CTC1: variants seen among roughly 807,000 people sequenced by gnomAD.
CTC1 encodes CST complex subunit CTC1.
In CTC1, 91 loss-of-function variants were observed where a neutral mutation model predicts 136.3. The ratio of observed to expected loss-of-function variants is 0.67; its 90% CI spans 0.56 to 0.79. The LOEUF (loss-of-function observed/expected upper bound fraction) is 0.79. CTC1 is among the 30% of genes least tolerant of loss of function. CTC1 has a pLI of 0.00. For missense variants in CTC1, 1,432 were observed against 1,498.1 expected (o/e 0.96, Z 0.73); for synonymous variants, 606 against 613.8 (o/e 0.99, Z 0.19).
intron 18 of CTC1, 114 bp from the exon 19 acceptor site, chr17:8,229,560 G>T: frequency 1.2e-6 from 1 of 866,708 alleles, no homozygotes; most frequent in Non-Finnish European, 1.8e-6. Context: ...GGGGACAGCA[G>T]TGGGTTCCAT....
In CTC1 at chr17:8,234,890, C is replaced by G. The variant is rs1339819653; in HGVS notation, c.1476G>C (p.Leu492=). The change falls in exon 9 of 23, where the codon CTG becomes CTC. Residue 492 remains leucine, a synonymous_variant. Transcript: ENST00000651323. ...CPHVLRHHQF[L]QHSSPGSPSL... ...TGGGGCTCCCAGGAGAGGAATGTTGCAGGAACTGGTGGTGTCTCAGCACAT... is the reference window on the plus strand; with the variant it reads ...TGGGGCTCCCAGGAGAGGAATGTTGGAGGAACTGGTGGTGTCTCAGCACAT... The G allele has an allele frequency of 6.2e-7, 1 of 1,609,320 alleles. No homozygotes were observed. The highest frequency in any genetic ancestry group is 8.5e-7 in the Non-Finnish European group (1 of 1,177,720).
Position 8,228,135 on chromosome 17 carries a change from A to G in CTC1, c.*45T>C. 6.3e-7 allele frequency: 1 copy of G among 1,594,526 alleles called. No individual in the cohort carries two copies. The highest frequency in any genetic ancestry group is 8.6e-7 in the Non-Finnish European group (1 of 1,163,524). On this transcript the variant is annotated 3_prime_UTR_variant, in exon 23 of 23. Coordinates refer to ENST00000651323, the MANE Select transcript of CTC1 (RefSeq NM_025099.6). ...GAGAGGAGCCAGGACCTAGGCCTTCAGGTTTTCAGCAAGGAAGGACTCTCA... is the reference window on the plus strand; with the variant it reads ...GAGAGGAGCCAGGACCTAGGCCTTCGGGTTTTCAGCAAGGAAGGACTCTCA...
At position 8,227,114 on chromosome 17, in the gene CTC1, T is replaced by C. The variant is rs946558350; in HGVS notation, c.*1066A>G. The C allele has an allele frequency of 2.7e-5, 4 of 150,540 alleles. No homozygotes were observed. Among genetic ancestry groups the C allele is most frequent in the Non-Finnish European group, 4.4e-5 (3 of 68,044 alleles). 9.3% of individuals were successfully genotyped at this position (150,540 alleles called of 1,614,324 possible). ...ATCTTAATATAGGGTATTGCTACCA[T>C]AAAAGCAGCATAAATCCCAACATAT... On this transcript the variant is annotated 3_prime_UTR_variant, in exon 23 of 23. Transcript: ENST00000651323.
At chr17:8,245,818 G>A (rs1988634080) in intron 1 of CTC1, among the ~76,000 whole-genome samples, 1 of 152,168 alleles carries the variant, frequency 6.6e-6, no homozygotes, top group African/African-American at 2.4e-5. Context: ...TGTAGTCCCA[G>A]CTACTCGGGA....
At chr17:8,230,711 G>C in intron 15 of CTC1, 60 bp from the exon 16 acceptor site, 1 of 1,443,144 alleles carries the variant, frequency 6.9e-7, no homozygotes, top group Non-Finnish European at 9.7e-7. Context: ...AGTGGAGACA[G>C]TCAGATTCAA....
intron 3 of CTC1, 34 bp from the exon 4 acceptor site, chr17:8,238,276 C>T (rs762349373): frequency 6.4e-7 from 1 of 1,573,500 alleles, no homozygotes; most frequent in Non-Finnish European, 8.7e-7. Context: ...TTAATCAGAA[C>T]CTTAGCATCC....
At chr17:8,230,215 A>C (rs1567600425) in intron 17 of CTC1, 79 bp downstream of exon 17, 2 of 1,426,318 alleles carry the variant, frequency 1.4e-6, no homozygotes, top group Non-Finnish European at 1.9e-6. Context: ...GGGTCGCTGC[A>C]GCAAAGTTAA....
chr17:8,231,862 G>A (rs761372425), intron 13 of CTC1, 41 bp downstream of exon 13: 1 of 1,613,552 alleles, frequency 6.2e-7, no homozygotes, highest in Non-Finnish European at 8.5e-7. Flanking sequence ...CAGAGGCTCA[G>A]GGCGCAGGTC....
intron 22 of CTC1, 60 bp from the exon 23 acceptor site, chr17:8,228,379 A>C: frequency 6.2e-7 from 1 of 1,608,312 alleles, no homozygotes; most frequent in Non-Finnish European, 8.5e-7. Flanking sequence ...GTTCCCACCC[A>C]CCATTCTCCT....
At position 8,236,359 on chromosome 17, in the gene CTC1, C is replaced by G; in HGVS notation, c.793-17G>C. Reference sequence around the variant, plus strand: ...GGCAGGGACCTGGCTTGTGCAGAGACAGGCAATGTGACACAAGAGACCCCA... The same window carrying G: ...GGCAGGGACCTGGCTTGTGCAGAGAGAGGCAATGTGACACAAGAGACCCCA... On this transcript the variant is annotated splice_polypyrimidine_tract_variant and intron_variant, in intron 5 of 22. Transcript: ENST00000651323. 6.3e-7 allele frequency: 1 copy of G among 1,595,580 alleles called. No homozygotes were observed. The highest frequency in any genetic ancestry group is 8.5e-7 in the Non-Finnish European group (1 of 1,174,908).
In CTC1 at chr17:8,243,187, C is replaced by T. The variant is rs749789620; in HGVS notation, c.34-39G>A. On this transcript the variant is annotated intron_variant, in intron 1 of 22. Transcript: ENST00000651323. The stretch of plus-strand genomic sequence containing the variant: ...ATTTAGTTAAAACATCTTGACTATC[C>T]GGCCCACCAAGGAAACTTGGGAAGA... 3.4e-5 allele frequency: 54 copies of T among 1,579,124 alleles called. 1 individual carries two copies. Among genetic ancestry groups the T allele is most frequent in the East Asian group, 2.7e-4 (12 of 44,024 alleles).
rs1034774367 is a variant in CTC1 at position 8,248,012 on chromosome 17, G to A, written c.25C>T (p.Pro9Ser). The change falls in exon 1 of 23, where the codon CCT (proline) becomes TCT (serine). Residue 9 changes from proline to serine, a missense_variant. Coordinates refer to ENST00000651323, the MANE Select transcript of CTC1 (RefSeq NM_025099.6). Reference protein sequence around the residue: MAAGRAQVPSSEQAWLEDA... With the variant: MAAGRAQVSSSEQAWLEDA... ...GTAATAGCAGCACTCACGGAGGAAG[G>A]GACCTGGGCCCGGCCAGCCGCCATG... 13 of 1,609,918 alleles carry A rather than the reference G, an allele frequency of 8.1e-6. 1 individual carries two copies. Among genetic ancestry groups the A allele is most frequent in the South Asian group, 4.4e-5 (4 of 90,692 alleles).
chr17:8,240,117 T>C (rs569574691), intron 2 of CTC1, among the ~76,000 whole-genome samples: 2 of 151,612 alleles, frequency 1.3e-5, no homozygotes, highest in South Asian at 2.1e-4. Flanking sequence ...TTCCTACTTA[T>C]CTGAAGGCCC....
rs751370389 is a variant in CTC1 at position 8,231,887 on chromosome 17, T to C, written c.2385+16A>G. On this transcript the variant is annotated intron_variant, in intron 13 of 22. Transcript: ENST00000651323. ...GGGCGCAGGTCAGGTCCTGGGTCCC[T>C]GGAGTCCCAGTTTACCTTCTGATCA... 3.7e-6 allele frequency: 6 copies of C among 1,613,594 alleles called. No individual in the cohort carries two copies. The South Asian group carries it at 6.6e-5, about 18-fold the overall frequency.
In CTC1 at chr17:8,234,530, C is replaced by G; in HGVS notation, c.1743G>C (p.Leu581=). The G allele has an allele frequency of 6.4e-7, 1 of 1,563,070 alleles. No homozygotes were observed. The highest frequency in any genetic ancestry group is 1.4e-5 in the African/African-American group (1 of 73,846). ...GGCGGCGATTGAGTTGGCAGCTGGG[C>G]AGGTAGGAGGCCTCCGGGAGGGGCA... The part of the protein sequence containing the change: ...ALLPLPEASY[L]PSCQLNRRLA... Residue 581 remains leucine (L), a synonymous_variant, in exon 10 of 23, where the codon CTG becomes CTC. Transcript: ENST00000651323.
At chr17:8,231,650 G>T in intron 14 of CTC1, 76 bp downstream of exon 14, 1 of 1,385,568 alleles carries the variant, frequency 7.2e-7, no homozygotes. Context: ...GAATGACCAG[G>T]CACTGGCATG....
chr17:8,242,537 A>G (rs1567620002), intron 2 of CTC1, among the ~76,000 whole-genome samples: 1 of 47,822 alleles, frequency 2.1e-5, no homozygotes, highest in East Asian at 1.7e-3. Context: ...TAGAGAGAAA[A>G]AAAAAAAAAA....
At chr17:8,242,543 A>G (rs1597395513) in intron 2 of CTC1, among the ~76,000 whole-genome samples, 1 of 85,782 alleles carries the variant, frequency 1.2e-5, no homozygotes, top group Non-Finnish European at 2.3e-5. Context: ...GAAAAAAAAA[A>G]AAAAAAAAAA....
intron 1 of CTC1, among the ~76,000 whole-genome samples, chr17:8,244,092 G>A (rs1988490910): frequency 2.0e-5 from 3 of 152,086 alleles, no homozygotes; most frequent in African/African-American, 4.8e-5. Context: ...CCAAAAATGA[G>A]TAAGACATAG....
Sources: allele counts gnomAD v4.1 joint callset (sites outside exome capture counted in the v4.1 genomes callset), GRCh38; gene constraint gnomAD v4.1.1; transcripts MANE v1.5; gene names NCBI Gene and HGNC (gene_info 2026-07-23, HGNC 2026-07-21).